Variants in PCSK6 observed in about 807,000 individuals in gnomAD.
PCSK6 encodes proprotein convertase subtilisin/kexin type 6, also known as paired basic amino acid cleaving enzyme 4.
PCSK6 carries 85 observed loss-of-function variants against 123.3 expected under a neutral mutation model. That is an observed-to-expected ratio of 0.69 (90% CI 0.58 to 0.83). The LOEUF (loss-of-function observed/expected upper bound fraction) is 0.83, where lower values mean the gene tolerates loss of function less well. Among genes scored for constraint, PCSK6 ranks in the 40% least tolerant of loss-of-function variants. The probability of loss-of-function intolerance (pLI) is 0.00; values close to 1 mark genes in which losing one functional copy is unlikely to be tolerated. For synonymous variants in PCSK6, 508 were observed against 516.0 expected, an observed-to-expected ratio of 0.98 and a Z score of 0.21; for missense variants, 1,191 against 1,282.3, an observed-to-expected ratio of 0.93 and a Z score of 1.09.
At chr15:101,376,563 G>C (rs2041749596) in intron 11 of PCSK6, among the ~76,000 whole-genome samples, 1 of 152,206 alleles carries the variant, frequency 6.6e-6, no homozygotes, top group African/African-American at 2.4e-5. Context: ...TCTCTCCTAG[G>C]AATAACGCTT....
intron 6 of PCSK6, among the ~76,000 whole-genome samples, chr15:101,411,608 A>G (rs537353573): frequency 6.6e-6 from 1 of 152,302 alleles, no homozygotes; most frequent in South Asian, 2.1e-4. Context: ...AAAAAGCAAC[A>G]TGAACAAGAA....
chr15:101,349,271 C>T (rs1330067113), intron 13 of PCSK6, among the ~76,000 whole-genome samples: 2 of 152,180 alleles, frequency 1.3e-5, no homozygotes, highest in Non-Finnish European at 2.9e-5. Context: ...TTTTGGTTAG[C>T]AAAGTTTTGT....
At chr15:101,394,937 G>T (rs576473781) in intron 7 of PCSK6, among the ~76,000 whole-genome samples, 1 of 152,336 alleles carries the variant, frequency 6.6e-6, no homozygotes, top group South Asian at 2.1e-4. Context: ...CAACAGAAAG[G>T]TCCCTCCCAG....
intron 6 of PCSK6, among the ~76,000 whole-genome samples, chr15:101,408,963 C>T (rs3825901): frequency 0.3 from 45,041 of 152,110 alleles, 7,717 homozygotes; most frequent in African/African-American, 0.47. Flanking sequence ...TGGTCGCTGC[C>T]GTTTACTTTT....
intron 6 of PCSK6, among the ~76,000 whole-genome samples, chr15:101,419,727 G>T (rs566483155): frequency 6.6e-6 from 1 of 152,072 alleles, no homozygotes; most frequent in South Asian, 2.1e-4. Context: ...GCGTGGTATT[G>T]TTAGGGCTTA....
chr15:101,332,696 C>T (rs2040396520), intron 13 of PCSK6, among the ~76,000 whole-genome samples: 1 of 152,206 alleles, frequency 6.6e-6, no homozygotes, highest in Non-Finnish European at 1.5e-5. Context: ...CACCAGGCTC[C>T]ATGGGGGACA....
At chr15:101,439,152 G>A (rs908840151) in intron 2 of PCSK6, among the ~76,000 whole-genome samples, 1 of 152,190 alleles carries the variant, frequency 6.6e-6, no homozygotes, top group Non-Finnish European at 1.5e-5. Flanking sequence ...ACATGGCAGG[G>A]CCAGGTTGTA....
At chr15:101,404,283 G>C (rs2042703172) in intron 6 of PCSK6, among the ~76,000 whole-genome samples, 1 of 152,190 alleles carries the variant, frequency 6.6e-6, no homozygotes, top group Non-Finnish European at 1.5e-5. Context: ...CCCTTTTATA[G>C]GCAGGGCAGA....
chr15:101,318,083 C>T (rs2040033806), intron 19 of PCSK6, among the ~76,000 whole-genome samples: 2 of 152,248 alleles, frequency 1.3e-5, no homozygotes, highest in African/African-American at 4.8e-5. Context: ...TTGCCAGCAT[C>T]TATCCTTAGA....
chr15:101,355,810 G>A (rs1360476379), intron 13 of PCSK6, among the ~76,000 whole-genome samples: 1 of 152,220 alleles, frequency 6.6e-6, no homozygotes, highest in Non-Finnish European at 1.5e-5. Flanking sequence ...TGGGTGGGGA[G>A]GCTGGCCTGA....
At position 101,304,708 on chromosome 15, in the gene PCSK6, C is replaced by T. The variant is rs1325094812; in HGVS notation, c.*550G>A. The T allele has an allele frequency of 2.0e-5, 3 of 152,654 alleles. No homozygotes were observed. The highest frequency in any genetic ancestry group is 4.4e-5 in the Non-Finnish European group (3 of 68,356). 9.5% of individuals were successfully genotyped at this position (152,654 alleles called of 1,614,324 possible). ...TATGTAGAAATAGATACTCCGGCCC[C>T]AGTGGTCATACATTTTATGCCCTCA... On this transcript the variant is annotated 3_prime_UTR_variant, in exon 22 of 22. Transcript: ENST00000611716.
At chr15:101,325,596 C>T (rs888528571) in intron 16 of PCSK6, among the ~76,000 whole-genome samples, 4 of 152,236 alleles carry the variant, frequency 2.6e-5, no homozygotes, top group Non-Finnish European at 5.9e-5. Context: ...TAGCAGTGTC[C>T]TGTCATCGTG....
At chr15:101,473,106 G>A (rs928010468) in intron 1 of PCSK6, among the ~76,000 whole-genome samples, 2 of 152,170 alleles carry the variant, frequency 1.3e-5, no homozygotes, top group East Asian at 1.9e-4. Flanking sequence ...ACAGAGTCTC[G>A]CTCTGTCACC....
chr15:101,396,956 C>T lies in PCSK6; in HGVS notation c.996+1448G>A, dbSNP rs542151343. Among the ~76,000 whole-genome samples the T allele has an allele frequency of 2.0e-5, 3 of 152,088 alleles. No individual in the cohort carries two copies. The East Asian group carries it at 5.8e-4, about 29-fold the overall frequency. Reference sequence around the variant, plus strand: ...TTTGGTCATTGGTTTCTCAGGCATTCAAGACCTGAGTGGTTGGGGGGTGGG... The same window carrying T: ...TTTGGTCATTGGTTTCTCAGGCATTTAAGACCTGAGTGGTTGGGGGGTGGG... On this transcript the variant is annotated intron_variant, in intron 7 of 21. Transcript: ENST00000611716.
intron 13 of PCSK6, among the ~76,000 whole-genome samples, chr15:101,348,245 G>C (rs571667147): frequency 2.6e-5 from 4 of 152,362 alleles, no homozygotes; most frequent in African/African-American, 7.2e-5. Flanking sequence ...GCTTCACCGT[G>C]GGGGAGGCTG....
At chr15:101,435,420 G>A (rs550401404) in intron 2 of PCSK6, among the ~76,000 whole-genome samples, 1 of 152,262 alleles carries the variant, frequency 6.6e-6, no homozygotes, top group East Asian at 1.9e-4. Flanking sequence ...TAAGTGATTT[G>A]GGGCAAAGGC....
intron 3 of PCSK6, 119 bp downstream of exon 3, chr15:101,431,871 G>C (rs2056457576): frequency 2.6e-6 from 2 of 769,444 alleles, no homozygotes; most frequent in South Asian, 1.6e-5. Context: ...CACCCTCAAG[G>C]TGAAGTGTGT....
chr15:101,360,051 A>C (rs530346290), intron 13 of PCSK6, among the ~76,000 whole-genome samples: 1 of 152,240 alleles, frequency 6.6e-6, no homozygotes, highest in African/African-American at 2.4e-5. Context: ...ACTGTGCAGG[A>C]CAAAAACTCT....
At chr15:101,364,643 C>T (rs1474630308) in intron 13 of PCSK6, among the ~76,000 whole-genome samples, 1 of 152,154 alleles carries the variant, frequency 6.6e-6, no homozygotes, top group African/African-American at 2.4e-5. Flanking sequence ...AAAAACACTG[C>T]TAAACAAAAT....
Sources: gnomAD v4.1 joint callset for allele counts (sites outside exome capture counted in the v4.1 genomes callset) on GRCh38, gnomAD v4.1.1 for gene constraint, MANE v1.5 for transcripts, NCBI Gene and HGNC (gene_info 2026-07-23, HGNC 2026-07-21) for gene names.